Variants in NRXN3 observed in about 807,000 individuals in gnomAD.
The protein encoded by NRXN3 is neurexin III.
Under a neutral mutation model 137.6 loss-of-function variants are expected in NRXN3, and 32 were observed. The ratio of observed to expected loss-of-function variants is 0.23; its 90% CI spans 0.18 to 0.31. NRXN3 has a LOEUF of 0.31. Among genes scored for constraint, NRXN3 ranks in the 10% least tolerant of loss-of-function variants. The pLI is 1.00. For missense variants in NRXN3, 1,574 were observed against 2,062.5 expected (o/e 0.76, Z 4.59); for synonymous variants, 798 against 784.5 (o/e 1.02, Z -0.29).
chr14:79,815,799 G>A (rs565116341), intron 20 of NRXN3, among the ~76,000 whole-genome samples: 20 of 152,142 alleles, frequency 1.3e-4, no homozygotes, highest in Admixed American at 2.6e-4. Flanking sequence ...GTCCTTGCTC[G>A]TACACAATTA....
At chr14:78,174,290 C>T (rs553980951) in intron 1 of NRXN3, among the ~76,000 whole-genome samples, 1 of 152,214 alleles carries the variant, frequency 6.6e-6, no homozygotes, top group African/African-American at 2.4e-5. Context: ...GAGCCACAGC[C>T]CCCTCCCCCA....
chr14:78,797,355 C>T (rs1319180136), intron 8 of NRXN3, among the ~76,000 whole-genome samples: 1 of 152,116 alleles, frequency 6.6e-6, no homozygotes, highest in Non-Finnish European at 1.5e-5. Flanking sequence ...AAATGTGACC[C>T]ATACACAGAA....
At chr14:79,256,488 T>G (rs937495890) in intron 15 of NRXN3, among the ~76,000 whole-genome samples, 3 of 152,050 alleles carry the variant, frequency 2.0e-5, no homozygotes, top group African/African-American at 7.2e-5. Context: ...TGTAGTAGAG[T>G]GCCCCCTAGC....
intron 8 of NRXN3, among the ~76,000 whole-genome samples, chr14:78,720,875 T>G (rs2098456592): frequency 6.6e-6 from 1 of 152,238 alleles, no homozygotes; most frequent in South Asian, 2.1e-4. Context: ...TGATGCTTCT[T>G]TGGAATTAAC....
intron 15 of NRXN3, among the ~76,000 whole-genome samples, chr14:79,399,697 T>C (rs929843608): frequency 1.3e-5 from 2 of 152,212 alleles, no homozygotes; most frequent in African/African-American, 2.4e-5. Context: ...CTATGGCAGA[T>C]GTAAGTTTAT....
intron 17 of NRXN3, among the ~76,000 whole-genome samples, chr14:79,673,542 T>A (rs973362286): frequency 5.3e-5 from 8 of 152,144 alleles, no homozygotes; most frequent in Non-Finnish European, 2.9e-5. Context: ...TTTTACTAAC[T>A]GCTGTTGCCT....
At chr14:79,630,776 A>G (rs1414174199) in intron 16 of NRXN3, among the ~76,000 whole-genome samples, 2 of 152,222 alleles carry the variant, frequency 1.3e-5, no homozygotes, top group Non-Finnish European at 2.9e-5. Context: ...ACCAGAGGCA[A>G]AGGAGCCTCC....
rs944771134 is a variant in NRXN3 at position 78,966,080 on chromosome 14, C to A, written c.2451C>A (p.Ile817=). The change falls in exon 12 of 21, where the codon ATC becomes ATA. Residue 817 remains isoleucine (I), a synonymous_variant. Coordinates refer to ENST00000335750, the MANE Select transcript of NRXN3 (RefSeq NM_001330195.2). ...AGTTCCACAACATTGAAACGGGAATCATGACTGAGAAACGCTACATCTCCG... is the reference window on the plus strand; with the variant it reads ...AGTTCCACAACATTGAAACGGGAATAATGACTGAGAAACGCTACATCTCCG... ...RLEFHNIETG[I]MTEKRYISVV... 2 of 1,614,164 alleles carry A rather than the reference C, an allele frequency of 1.2e-6. No individual in the cohort carries two copies. Among genetic ancestry groups the A allele is most frequent in the Admixed American group, 1.7e-5 (1 of 60,022 alleles).
At chr14:78,285,439 A>G (rs1855837477) in intron 3 of NRXN3, among the ~76,000 whole-genome samples, 1 of 152,108 alleles carries the variant, frequency 6.6e-6, no homozygotes, top group Non-Finnish European at 1.5e-5. Context: ...TATTTGGCCC[A>G]TTTCACCCAT....
chr14:78,455,937 A>G (rs1451562248), intron 4 of NRXN3, among the ~76,000 whole-genome samples: 2 of 152,130 alleles, frequency 1.3e-5, no homozygotes, highest in Non-Finnish European at 2.9e-5. Context: ...TTGTGTTTTC[A>G]GTTTGGGAAA....
intron 10 of NRXN3, among the ~76,000 whole-genome samples, chr14:78,812,526 C>T (rs1184756736): frequency 6.6e-6 from 1 of 152,194 alleles, no homozygotes; most frequent in East Asian, 1.9e-4. Context: ...GTTCTATCCA[C>T]ACTTTCTCAT....
At position 78,891,663 on chromosome 14, in the gene NRXN3, G is replaced by T. The variant is rs570183331; in HGVS notation, c.2276-65579G>T. ...TAAAGCTTCCTATTGAATTTTAATA[G>T]TGCTCTTCTGCAGAACACATTTGAA... On this transcript the variant is annotated intron_variant, in intron 10 of 20. Coordinates refer to ENST00000335750, the MANE Select transcript of NRXN3 (RefSeq NM_001330195.2). Among the ~76,000 whole-genome samples, 12 of 152,024 alleles carry T rather than the reference G, an allele frequency of 7.9e-5. No homozygotes were observed. The East Asian group carries it at 2.3e-3, about 30-fold the overall frequency.
intron 4 of NRXN3, among the ~76,000 whole-genome samples, chr14:78,579,549 A>T (rs2096971454): frequency 6.6e-6 from 1 of 152,022 alleles, no homozygotes; most frequent in African/African-American, 2.4e-5. Flanking sequence ...AAAAAAAAAA[A>T]ATAGAGCCAA....
chr14:79,201,740 A>G (rs530011740), intron 15 of NRXN3: 2 of 152,382 alleles, frequency 1.3e-5, no homozygotes, highest in African/African-American at 4.8e-5. Context: ...ATTAAAGTTG[A>G]TAAAGCTGCT....
chr14:79,332,109 T>C (rs1013959471), intron 15 of NRXN3, among the ~76,000 whole-genome samples: 1 of 152,222 alleles, frequency 6.6e-6, no homozygotes, highest in Non-Finnish European at 1.5e-5. Flanking sequence ...GTGTTAAAGA[T>C]ACAAAAATCC....
intron 15 of NRXN3, among the ~76,000 whole-genome samples, chr14:79,380,982 A>ATTACTGGCCCCACCTTG (rs1215325796): frequency 1.3e-5 from 2 of 152,052 alleles, no homozygotes; most frequent in Non-Finnish European, 2.9e-5. Context: ...TTGAGAATCC[A>ATTACTGGCCCCACCTTG]TTACTGGCCC....
chr14:78,678,456 T>G (rs904926442), intron 6 of NRXN3, among the ~76,000 whole-genome samples: 21 of 152,030 alleles, frequency 1.4e-4, no homozygotes, highest in African/African-American at 5.1e-4. Context: ...GCTACTCCAG[T>G]ATATTTTCAT....
chr14:78,453,307 C>T (rs544836012), intron 4 of NRXN3, among the ~76,000 whole-genome samples: 17 of 152,320 alleles, frequency 1.1e-4, no homozygotes, highest in African/African-American at 4.1e-4. Flanking sequence ...TGTTCAGATG[C>T]AGCAGCCAAC....
At chr14:78,423,629 G>T (rs1334939550) in intron 4 of NRXN3, among the ~76,000 whole-genome samples, 1 of 152,180 alleles carries the variant, frequency 6.6e-6, no homozygotes, top group African/African-American at 2.4e-5. Flanking sequence ...TTCAAGTAAA[G>T]TAGCCTTAGC....
Sources: allele counts gnomAD v4.1 joint callset (sites outside exome capture counted in the v4.1 genomes callset), GRCh38; gene constraint gnomAD v4.1.1; transcripts MANE v1.5; gene names NCBI Gene and HGNC (gene_info 2026-07-23, HGNC 2026-07-21).